FOXK2: variants seen among roughly 807,000 people sequenced by gnomAD.
FOXK2 encodes forkhead box protein K2.
A neutral mutation model predicts 53.3 loss-of-function variants in FOXK2; 24 were observed. The ratio of observed to expected loss-of-function variants is 0.45; its 90% CI spans 0.33 to 0.63. The LOEUF is 0.63. Ranked by LOEUF, FOXK2 falls within the 30% of genes least tolerant of loss-of-function variation. The probability of loss-of-function intolerance (pLI) is 0.03; values close to 1 mark genes in which losing one functional copy is unlikely to be tolerated. For missense variants in FOXK2, 952 were observed against 910.5 expected, an observed-to-expected ratio of 1.05 and a Z score of -0.59; for synonymous variants, 505 against 407.1, an observed-to-expected ratio of 1.24 and a Z score of -2.89.
At chr17:82,590,340 G>T (rs2045240502) in intron 8 of FOXK2, among the ~76,000 whole-genome samples, 1 of 152,096 alleles carries the variant, frequency 6.6e-6, no homozygotes, top group Admixed American at 6.6e-5. Context: ...TTTTATTTGG[G>T]AGGTAGTGTC....
Position 82,587,182 on chromosome 17 carries a change from G to C in FOXK2, c.1696G>C (p.Gly566Arg), listed in dbSNP as rs1168150297. 1.2e-6 allele frequency: 2 copies of C among 1,613,078 alleles called. No individual in the cohort carries two copies. Among genetic ancestry groups the C allele is most frequent in the Non-Finnish European group, 1.7e-6 (2 of 1,180,026 alleles). Residue 566 changes from glycine to arginine, a missense_variant, in exon 8 of 9, where the codon GGT (glycine) becomes CGT (arginine). Around this residue, in one of 5 missense-constraint regions of FOXK2, gnomAD observed 551 missense variants for 385.1 expected, o/e 1.43. Transcript: ENST00000335255. ...TVTIVQQAPLGQHQLPIKTVT... is the reference protein window; with the variant it reads ...TVTIVQQAPLRQHQLPIKTVT... ...GACCATAGTACAACAGGCACCTCTA[G>C]GTCAACACCAGCTACCAATAAAAAC...
At chr17:82,538,405 A>G (rs920570316) in intron 1 of FOXK2, among the ~76,000 whole-genome samples, 15 of 152,200 alleles carry the variant, frequency 9.9e-5, no homozygotes, top group African/African-American at 3.4e-4. Context: ...AGATCACTTG[A>G]GCCCGGGAAG....
intron 1 of FOXK2, among the ~76,000 whole-genome samples, chr17:82,561,633 A>G (rs1297906116): frequency 1.3e-5 from 2 of 152,136 alleles, no homozygotes; most frequent in Admixed American, 1.3e-4. Context: ...TCACGGGGAA[A>G]GGAGAAGGGC....
chr17:82,549,674 C>G (rs2144089307), intron 1 of FOXK2, among the ~76,000 whole-genome samples: 1 of 152,346 alleles, frequency 6.6e-6, no homozygotes, highest in East Asian at 1.9e-4. Context: ...AAGGAAAACT[C>G]TGGATGCTCG....
In FOXK2 at chr17:82,568,146, C is replaced by G; in HGVS notation, c.707C>G (p.Ala236Gly). ...ATGCCATCTGACCTCAATTTAATGG[C>G]TGACAACTCACAGCCTGAAAATGAA... ...RVMPSDLNLM[A>G]DNSQPENEKE... Residue 236 changes from alanine (A) to glycine (G), a missense_variant, in exon 3 of 9, where the codon GCT becomes GGT. Coordinates refer to ENST00000335255, the MANE Select transcript of FOXK2 (RefSeq NM_004514.4). 6.2e-7 allele frequency: 1 copy of G among 1,613,818 alleles called. No homozygotes were observed. Among genetic ancestry groups the G allele is most frequent in the Non-Finnish European group, 8.5e-7 (1 of 1,180,022 alleles).
chr17:82,587,028 T>TA, intron 7 of FOXK2, 35 bp from the exon 8 acceptor site: 1 of 1,591,610 alleles, frequency 6.3e-7, no homozygotes, highest in Non-Finnish European at 8.6e-7. Context: ...TGCTTTCCAG[T>TA]AATATTAATG....
intron 3 of FOXK2, among the ~76,000 whole-genome samples, chr17:82,571,109 TCGCCTGTACCC>T (rs886297856): frequency 1.1e-4 from 16 of 152,138 alleles, no homozygotes; most frequent in African/African-American, 3.6e-4. Context: ...TACCCACCCC[TCGCCTGTACCC>T]CTGGGGTAGC....
chr17:82,584,019 C>T lies in FOXK2; in HGVS notation c.1110C>T (p.Ala370=), dbSNP rs760447310. 1.4e-5 allele frequency: 23 copies of T among 1,597,726 alleles called. 1 individual carries two copies. In the Admixed American group the frequency reaches 3.7e-4, roughly 26 times the overall value. ...TPLGPLSSRS[A]PASPNHAGVL... ...CTTCTTCTCGGTGACACAGGAGTGCCCCAGCCTCTCCCAATCACGCGGGAG... is the reference window on the plus strand; with the variant it reads ...CTTCTTCTCGGTGACACAGGAGTGCTCCAGCCTCTCCCAATCACGCGGGAG... Residue 370 remains alanine (A), a synonymous_variant, in exon 6 of 9, where the codon GCC becomes GCT. Coordinates refer to ENST00000335255, the MANE Select transcript of FOXK2 (RefSeq NM_004514.4).
intron 8 of FOXK2, 110 bp from the exon 9 acceptor site, chr17:82,601,193 C>T: frequency 8.4e-7 from 1 of 1,185,630 alleles, no homozygotes; most frequent in South Asian, 1.5e-5. Flanking sequence ...CGAGAGTTCA[C>T]ATGAGAGCGT....
intron 3 of FOXK2, among the ~76,000 whole-genome samples, chr17:82,569,330 G>T (rs1397011318): frequency 6.6e-6 from 1 of 152,214 alleles, no homozygotes; most frequent in Non-Finnish European, 1.5e-5. Flanking sequence ...GTCGCGTGTG[G>T]TGCTGTTTCT....
intron 1 of FOXK2, among the ~76,000 whole-genome samples, chr17:82,525,470 C>T (rs907518723): frequency 3.9e-5 from 6 of 152,088 alleles, no homozygotes; most frequent in South Asian, 2.1e-4. Flanking sequence ...TGAGCTACTG[C>T]GCCCGGTCGA....
At chr17:82,583,944 A>G in intron 5 of FOXK2, 69 bp from the exon 6 acceptor site, 2 of 1,495,702 alleles carry the variant, frequency 1.3e-6, no homozygotes, top group South Asian at 2.6e-5. Context: ...AAGTGCACTT[A>G]TTAAAACAGC....
In FOXK2 at chr17:82,584,141, C is replaced by T; in HGVS notation, c.1232C>T (p.Pro411Leu). Residue 411 changes from proline (P) to leucine (L), a missense_variant, in exon 6 of 9, where the codon CCC (proline) becomes CTC (leucine). Around this residue, in one of 5 missense-constraint regions of FOXK2, gnomAD observed 551 missense variants for 385.1 expected, o/e 1.43. Transcript: ENST00000335255. ...PLEPEPGAAQ[P>L]KLAVIQEARF... ...GAGCCTGAGCCTGGCGCTGCACAGC[C>T]CAAACTCGCTGTCATCCAGGAAGCC... 1 of 1,610,074 alleles carries T rather than the reference C, an allele frequency of 6.2e-7. No individual in the cohort carries two copies. Among genetic ancestry groups the T allele is most frequent in the Non-Finnish European group, 8.5e-7 (1 of 1,179,446 alleles).
chr17:82,587,201 T>C lies in FOXK2; in HGVS notation c.1715T>C (p.Ile572Thr). 2 of 1,613,048 alleles carry C rather than the reference T, an allele frequency of 1.2e-6. No individual in the cohort carries two copies. Among genetic ancestry groups the C allele is most frequent in the Non-Finnish European group, 8.5e-7 (1 of 1,180,004 alleles). ...CCTCTAGGTCAACACCAGCTACCAATAAAAACTGTAACACAAAACGGCACT... is the reference window on the plus strand; with the variant it reads ...CCTCTAGGTCAACACCAGCTACCAACAAAAACTGTAACACAAAACGGCACT... ...QAPLGQHQLP[I>T]KTVTQNGTHV... The change falls in exon 8 of 9, where the codon ATA becomes ACA. Residue 572 changes from isoleucine to threonine, a missense_variant. Ile to Thr is a moderately conservative substitution (Grantham distance 89). Around this residue, in one of 5 missense-constraint regions of FOXK2, gnomAD observed 551 missense variants for 385.1 expected, o/e 1.43. Coordinates refer to ENST00000335255, the MANE Select transcript of FOXK2 (RefSeq NM_004514.4).
intron 1 of FOXK2, among the ~76,000 whole-genome samples, chr17:82,558,992 G>A (rs978884998): frequency 6.6e-6 from 1 of 152,034 alleles, no homozygotes; most frequent in African/African-American, 2.4e-5. Context: ...CTCGTGATCT[G>A]CCCAACTTGG....
At chr17:82,523,584 T>A (rs2044388605) in intron 1 of FOXK2, among the ~76,000 whole-genome samples, 1 of 151,974 alleles carries the variant, frequency 6.6e-6, no homozygotes. Context: ...GCGATTCTCC[T>A]GCTTCAGCCT....
At chr17:82,528,805 T>A (rs1473614671) in intron 1 of FOXK2, among the ~76,000 whole-genome samples, 1 of 152,248 alleles carries the variant, frequency 6.6e-6, no homozygotes, top group Admixed American at 6.5e-5. Flanking sequence ...TCCGTAGATT[T>A]CTAGACAGTA....
At chr17:82,535,967 C>G (rs936127360) in intron 1 of FOXK2, among the ~76,000 whole-genome samples, 2 of 151,984 alleles carry the variant, frequency 1.3e-5, no homozygotes, top group Non-Finnish European at 2.9e-5. Context: ...GTCTGGAACT[C>G]CTAACCTCAG....
chr17:82,564,735 T>G (rs1024749163), intron 2 of FOXK2, among the ~76,000 whole-genome samples: 18 of 89,568 alleles, frequency 2.0e-4, no homozygotes, highest in African/African-American at 6.8e-4. Context: ...AGTCAAATGG[T>G]TTTTTTTTTT....
Sources: allele counts gnomAD v4.1 joint callset (sites outside exome capture counted in the v4.1 genomes callset), GRCh38; gene constraint gnomAD v4.1.1; regional missense constraint gnomAD v4.1.1; transcripts MANE v1.5; gene names NCBI Gene and HGNC (gene_info 2026-07-23, HGNC 2026-07-21).